Variants in PDE8B observed in about 807,000 individuals in gnomAD.
PDE8B encodes the protein high affinity cAMP-specific and IBMX-insensitive 3',5'-cyclic phosphodiesterase 8B.
In PDE8B, 26 loss-of-function variants were observed where a neutral mutation model predicts 101.3. The observed-to-expected ratio is 0.26, with a 90% CI of 0.19 to 0.36. The LOEUF is 0.36. PDE8B is among the 10% of genes least tolerant of loss of function. The probability of loss-of-function intolerance (pLI) is 1.00; values close to 1 mark genes in which losing one functional copy is unlikely to be tolerated. For missense variants in PDE8B, 810 were observed against 1,163.1 expected, an observed-to-expected ratio of 0.70 and a Z score of 4.42; for synonymous variants, 424 against 429.3, an observed-to-expected ratio of 0.99 and a Z score of 0.15.
intron 5 of PDE8B, among the ~76,000 whole-genome samples, chr5:77,333,164 T>G (rs1401315647): frequency 6.6e-6 from 1 of 152,204 alleles, no homozygotes; most frequent in Non-Finnish European, 1.5e-5. Flanking sequence ...GCAATATTTT[T>G]CACGCTCCTA....
In PDE8B at chr5:77,227,302, T is replaced by G. The variant is rs542968753; in HGVS notation, c.339+16038T>G. 4.6e-5 allele frequency among the ~76,000 whole-genome samples: 7 copies of G among 152,348 alleles called. No individual in the cohort carries two copies. In the East Asian group the frequency reaches 1.3e-3, roughly 29 times the overall value. ...ATATAATTTTTAAACTGACCTTGTT[T>G]TTTTCCTTATATAAATGTATCAACT... On this transcript the variant is annotated intron_variant, in intron 1 of 21. Transcript: ENST00000264917.
At chr5:77,092,274 A>G in the PDE8B span, among the ~76,000 whole-genome samples, 1 of 152,146 alleles carries the variant, frequency 6.6e-6, no homozygotes, top group African/African-American at 2.4e-5. Flanking sequence ...AAATTCTTAA[A>G]TTTTCGTGTA....
In PDE8B at chr5:77,210,964, C is replaced by T. The variant is rs1309243407; in HGVS notation, c.39C>T (p.Gly13=). The change falls in exon 1 of 22, where the codon GGC becomes GGT. Residue 13 remains glycine (G), a synonymous_variant. Coordinates refer to ENST00000264917, the MANE Select transcript of PDE8B (RefSeq NM_003719.5). The surrounding 1 kb of genome is among the most constrained non-coding windows in gnomAD (Gnocchi z 4.9). The stretch of plus-strand genomic sequence containing the variant: ...CCAGCATCCATGTCTCGCAGAGCGG[C>T]GTGATCTACTGCCGGGACTCGGACG... The part of the protein sequence containing the change: ...CAPSIHVSQS[G]VIYCRDSDES... The T allele has an allele frequency of 6.5e-7, 1 of 1,529,290 alleles. No individual in the cohort carries two copies. Among genetic ancestry groups the T allele is most frequent in the Non-Finnish European group, 8.7e-7 (1 of 1,147,932 alleles). The allele number at this position is 1,529,290 out of a possible 1,614,324, so 94.7% of individuals were successfully genotyped here.
chr5:77,283,141 T>C (rs576035529), intron 1 of PDE8B, among the ~76,000 whole-genome samples: 9 of 152,290 alleles, frequency 5.9e-5, no homozygotes, highest in Admixed American at 4.6e-4. Flanking sequence ...CTGAAGTTAT[T>C]TCTTTTTTAA....
chr5:77,087,077 C>G, the PDE8B span: 1 of 152,300 alleles, frequency 6.6e-6, no homozygotes, highest in Non-Finnish European at 1.5e-5. Flanking sequence ...CGGCCCAGCC[C>G]GCCTCGCCAC....
At chr5:77,407,508 G>A (rs1233369307) in intron 13 of PDE8B, 51 bp downstream of exon 13, 3 of 1,306,570 alleles carry the variant, frequency 2.3e-6, no homozygotes, top group Non-Finnish European at 3.3e-6. Flanking sequence ...CTCACACAGG[G>A]CCGTGCTCTG....
the PDE8B span, among the ~76,000 whole-genome samples, chr5:77,203,127 C>T: frequency 1.3e-5 from 2 of 152,230 alleles, no homozygotes; most frequent in African/African-American, 4.8e-5. Flanking sequence ...TTATTCTCTT[C>T]TTCCATACCA....
At chr5:77,424,103 G>A (rs1406305758) in intron 20 of PDE8B, among the ~76,000 whole-genome samples, 1 of 152,108 alleles carries the variant, frequency 6.6e-6, no homozygotes, top group Non-Finnish European at 1.5e-5. Context: ...GAACAGGAAG[G>A]GAGTGAGGAT....
At chr5:77,142,662 G>A in the PDE8B span, among the ~76,000 whole-genome samples, 2 of 152,094 alleles carry the variant, frequency 1.3e-5, no homozygotes, top group African/African-American at 2.4e-5. Flanking sequence ...GGAAAGGAGG[G>A]AATCTGTGGA....
At chr5:77,299,606 C>T (rs1580879555) in intron 1 of PDE8B, among the ~76,000 whole-genome samples, 2 of 152,100 alleles carry the variant, frequency 1.3e-5, no homozygotes, top group African/African-American at 4.8e-5. Context: ...ATGAACTCTT[C>T]ATTTTTTATG....
At chr5:77,264,020 A>G (rs1761162709) in intron 1 of PDE8B, among the ~76,000 whole-genome samples, 1 of 152,224 alleles carries the variant, frequency 6.6e-6, no homozygotes, top group Non-Finnish European at 1.5e-5. Context: ...ATTTCATATG[A>G]AATGAACTCA....
chr5:77,341,143 C>G (rs147961786), intron 6 of PDE8B, among the ~76,000 whole-genome samples: 30 of 152,212 alleles, frequency 2.0e-4, no homozygotes, highest in Middle Eastern at 3.4e-3. Flanking sequence ...AGTTCTAAAA[C>G]TCTAGAAACA....
the PDE8B span, among the ~76,000 whole-genome samples, chr5:77,107,263 G>A: frequency 5.9e-5 from 9 of 152,046 alleles, no homozygotes; most frequent in African/African-American, 9.7e-5. Context: ...AGTATTCCTT[G>A]GTGTGTATGT....
intron 10 of PDE8B, among the ~76,000 whole-genome samples, chr5:77,366,346 G>A (rs1029906006): frequency 6.6e-6 from 1 of 152,122 alleles, no homozygotes; most frequent in African/African-American, 2.4e-5. Context: ...TGCAGCAAAC[G>A]GCTGCCCCCT....
At chr5:77,240,219 TC>T (rs1420593854) in intron 1 of PDE8B, among the ~76,000 whole-genome samples, 2 of 152,172 alleles carry the variant, frequency 1.3e-5, no homozygotes, top group African/African-American at 4.8e-5. Context: ...GGTGGCGCGA[TC>T]CCGGCTCACT....
intron 1 of PDE8B, among the ~76,000 whole-genome samples, chr5:77,303,525 C>G (rs957025497): frequency 6.6e-6 from 1 of 152,032 alleles, no homozygotes; most frequent in Admixed American, 6.6e-5. Flanking sequence ...GCCGAGATCA[C>G]TCCACTGCAT....
intron 1 of PDE8B, among the ~76,000 whole-genome samples, chr5:77,267,459 TG>T: frequency 7.5e-6 from 1 of 133,012 alleles, no homozygotes; most frequent in African/African-American, 2.9e-5. Flanking sequence ...AAAAAAAGGG[TG>T]GAAAACATTG....
intron 1 of PDE8B, among the ~76,000 whole-genome samples, chr5:77,215,706 T>C (rs1195615784): frequency 6.6e-6 from 1 of 152,162 alleles, no homozygotes; most frequent in Non-Finnish European, 1.5e-5. Context: ...GCAGATTCTG[T>C]GGCACTAAAC....
At chr5:77,290,314 AG>A in intron 1 of PDE8B, 1 of 1,534,250 alleles carries the variant, frequency 6.5e-7, no homozygotes, top group Non-Finnish European at 9.0e-7. Context: ...TGGCTGAAAG[AG>A]GTGGGGCTCC....
Sources: gnomAD v4.1 joint callset for allele counts (sites outside exome capture counted in the v4.1 genomes callset) on GRCh38, gnomAD v4.1.1 for gene constraint, Gnocchi (gnomAD v3.1) non-coding constraint, MANE v1.5 for transcripts, NCBI Gene and HGNC (gene_info 2026-07-23, HGNC 2026-07-21) for gene names.